The following TMX2 variants were observed in gnomAD, a reference collection of about 807,000 sequenced individuals.
The protein encoded by TMX2 is thioredoxin related transmembrane protein 2.
TMX2 carries 20 observed loss-of-function variants against 33.4 expected under a neutral mutation model. That is an observed-to-expected ratio of 0.60 (90% CI 0.42 to 0.87). TMX2 has a LOEUF of 0.87. TMX2 is among the 40% of genes least tolerant of loss of function. The pLI, the probability that TMX2 is intolerant of heterozygous loss-of-function variation, is 0.00. For synonymous variants in TMX2, 166 were observed against 140.7 expected, an observed-to-expected ratio of 1.18 and a Z score of -1.27; for missense variants, 340 against 370.7, an observed-to-expected ratio of 0.92 and a Z score of 0.68.
At chr11:57,734,763 A>T (rs780442641) in intron 1 of TMX2, among the ~76,000 whole-genome samples, 41 of 152,010 alleles carry the variant, frequency 2.7e-4, no homozygotes, top group Non-Finnish European at 5.7e-4. Flanking sequence ...AAAAAATAAA[A>T]AATAAAAAAT....
chr11:57,718,653 C>CT (rs35097323), intron 1 of TMX2: 7,938 of 207,828 alleles, frequency 0.038, 17 homozygotes, highest in South Asian at 0.064. Context: ...AACCCCCCCT[C>CT]TTTTTTTTTT....
At chr11:57,730,664 G>A (rs949062384) in intron 1 of TMX2, among the ~76,000 whole-genome samples, 1 of 152,044 alleles carries the variant, frequency 6.6e-6, no homozygotes, top group South Asian at 2.1e-4. Context: ...CTTGAACCCA[G>A]GAGGCGGAGG....
At chr11:57,716,481 G>C (rs1440131200) in intron 1 of TMX2, among the ~76,000 whole-genome samples, 4,283 of 58,556 alleles carry the variant, frequency 0.073, no homozygotes, top group East Asian at 0.26. Context: ...GCGGCTGGCC[G>C]GGCTGAGGGG....
intron 1 of TMX2, among the ~76,000 whole-genome samples, chr11:57,717,458 C>T (rs1266357290): frequency 3.3e-5 from 5 of 151,760 alleles, no homozygotes; most frequent in Non-Finnish European, 7.4e-5. Flanking sequence ...CCCGGCACCT[C>T]GGGAGGCCAA....
chr11:57,735,158 C>G (rs1948665064), intron 1 of TMX2, among the ~76,000 whole-genome samples: 1 of 151,934 alleles, frequency 6.6e-6, no homozygotes, highest in Admixed American at 6.6e-5. Flanking sequence ...TTCCTAATTT[C>G]TGCCTCAGGT....
chr11:57,722,746 G>A (rs1267976130), intron 1 of TMX2, among the ~76,000 whole-genome samples: 1 of 151,574 alleles, frequency 6.6e-6, no homozygotes, highest in East Asian at 1.9e-4. Flanking sequence ...AAACCCTCAA[G>A]TTTTTTTTTC....
chr11:57,724,437 C>A (rs1240634124), intron 1 of TMX2, among the ~76,000 whole-genome samples: 1 of 152,090 alleles, frequency 6.6e-6, no homozygotes, highest in Admixed American at 6.6e-5. Flanking sequence ...TTACCCAGGT[C>A]ATGGTAAATT....
rs1946780995 is a variant in TMX2 at position 57,713,584 on chromosome 11, C to T, written c.189+777C>T. On this transcript the variant is annotated intron_variant, in intron 1 of 7. Coordinates refer to ENST00000278422, the MANE Select transcript of TMX2 (RefSeq NM_015959.4). Reference sequence around the variant, plus strand: ...GCATGTAGGGGCCAAGGAAAAGCTTCCCCTTTGCTCTCTGAGGGTTTGTTG... The same window carrying T: ...GCATGTAGGGGCCAAGGAAAAGCTTTCCCTTTGCTCTCTGAGGGTTTGTTG... Among the ~76,000 whole-genome samples, 8 of 152,108 alleles carry T rather than the reference C, an allele frequency of 5.3e-5. No homozygotes were observed. In the South Asian group the frequency reaches 1.7e-3, roughly 32 times the overall value.
intron 1 of TMX2, among the ~76,000 whole-genome samples, chr11:57,725,422 G>T (rs1378867499): frequency 6.6e-6 from 1 of 152,124 alleles, no homozygotes; most frequent in Non-Finnish European, 1.5e-5. Flanking sequence ...GGTTATAAGG[G>T]CTGGTTTTGA....
intron 1 of TMX2, among the ~76,000 whole-genome samples, chr11:57,722,552 C>T (rs1474840715): frequency 6.6e-6 from 1 of 152,160 alleles, no homozygotes. Context: ...CCTGTTATAT[C>T]TGTATCTTTA....
intron 7 of TMX2, 40 bp downstream of exon 7, chr11:57,739,300 C>G: frequency 6.2e-7 from 1 of 1,611,052 alleles, no homozygotes; most frequent in Non-Finnish European, 8.5e-7. Flanking sequence ...GGGTGCAGAA[C>G]AGTAGGTGGG....
chr11:57,732,112 G>A (rs1360959699), intron 1 of TMX2, among the ~76,000 whole-genome samples: 1 of 152,140 alleles, frequency 6.6e-6, no homozygotes, highest in Non-Finnish European at 1.5e-5. Flanking sequence ...TTATTCATGT[G>A]TCTTTTTCTT....
chr11:57,729,984 G>A (rs1442699949), intron 1 of TMX2, among the ~76,000 whole-genome samples: 2 of 148,194 alleles, frequency 1.3e-5, no homozygotes, highest in Admixed American at 6.7e-5. Flanking sequence ...GGCATGCACT[G>A]TAGTCCCAGC....
intron 1 of TMX2, among the ~76,000 whole-genome samples, chr11:57,723,798 G>C (rs1353029539): frequency 1.1e-5 from 1 of 88,556 alleles, no homozygotes; most frequent in Non-Finnish European, 2.7e-5. Flanking sequence ...GCAAGACTCT[G>C]TCTCAAAAAT....
chr11:57,733,725 T>C (rs1306571580), intron 1 of TMX2, among the ~76,000 whole-genome samples: 1 of 152,196 alleles, frequency 6.6e-6, no homozygotes, highest in Non-Finnish European at 1.5e-5. Context: ...TTCTGTATGC[T>C]TCAAATTATC....
chr11:57,730,732 G>A (rs577929505), intron 1 of TMX2, among the ~76,000 whole-genome samples: 41 of 152,214 alleles, frequency 2.7e-4, no homozygotes, highest in African/African-American at 7.5e-4. Context: ...GTGAAACTGC[G>A]TCTCAAAGAA....
intron 1 of TMX2, among the ~76,000 whole-genome samples, chr11:57,730,611 G>A (rs1948313447): frequency 6.6e-6 from 1 of 151,442 alleles, no homozygotes; most frequent in South Asian, 2.1e-4. Context: ...GGTGGTGGGC[G>A]CCTGTAATCC....
chr11:57,725,580 T>C (rs1947924396), intron 1 of TMX2, among the ~76,000 whole-genome samples: 1 of 151,938 alleles, frequency 6.6e-6, no homozygotes, highest in African/African-American at 2.4e-5. Flanking sequence ...CTACTAAAAA[T>C]ACAAAAATTA....
intron 1 of TMX2, among the ~76,000 whole-genome samples, chr11:57,717,890 G>A (rs1947284457): frequency 6.6e-6 from 1 of 152,038 alleles, no homozygotes; most frequent in South Asian, 2.1e-4. Context: ...GGCATGTAAG[G>A]GAACAAGGAA....
Sources: allele counts gnomAD v4.1 joint callset (sites outside exome capture counted in the v4.1 genomes callset), GRCh38; gene constraint gnomAD v4.1.1; transcripts MANE v1.5; gene names NCBI Gene and HGNC (gene_info 2026-07-23, HGNC 2026-07-21).